Variants in PXDN observed in about 807,000 individuals in gnomAD.
The protein encoded by PXDN is peroxidasin homolog.
PXDN carries 77 observed loss-of-function variants against 140.3 expected under a neutral mutation model. The ratio of observed to expected loss-of-function variants is 0.55; its 90% CI spans 0.46 to 0.66. The LOEUF is 0.66. Ranked by LOEUF, PXDN falls within the 30% of genes least tolerant of loss-of-function variation. The probability of loss-of-function intolerance (pLI) is 0.00; values close to 1 mark genes in which losing one functional copy is unlikely to be tolerated. For synonymous variants in PXDN, 911 were observed against 857.4 expected (o/e 1.06, Z -1.09); for missense variants, 1,838 against 2,039.5 (o/e 0.90, Z 1.90).
chr2:1,729,057 A>G (rs960448938), intron 1 of PXDN, among the ~76,000 whole-genome samples: 1 of 152,126 alleles, frequency 6.6e-6, no homozygotes, highest in Admixed American at 6.5e-5. Flanking sequence ...TGGGTCTGGT[A>G]AGAACAGCTG....
chr2:1,735,172 A>T (rs968310364), intron 1 of PXDN, among the ~76,000 whole-genome samples: 2 of 152,162 alleles, frequency 1.3e-5, no homozygotes, highest in Non-Finnish European at 2.9e-5. Flanking sequence ...ATCTGCTGTG[A>T]CTTTCTCCAC....
At chr2:1,688,284 T>G (rs1474483150) in intron 3 of PXDN, among the ~76,000 whole-genome samples, 1 of 152,174 alleles carries the variant, frequency 6.6e-6, no homozygotes, top group Non-Finnish European at 1.5e-5. Context: ...TTTCCTAACA[T>G]GTGAACTTGG....
intron 7 of PXDN, among the ~76,000 whole-genome samples, chr2:1,677,424 T>C (rs1683747895): frequency 6.6e-6 from 1 of 152,234 alleles, no homozygotes; most frequent in Admixed American, 6.5e-5. Context: ...AATAGTACTC[T>C]GTAGCTAAAG....
intron 1 of PXDN, among the ~76,000 whole-genome samples, chr2:1,738,319 G>A (rs4853840): frequency 0.72 from 109,650 of 152,066 alleles, 39,850 homozygotes; most frequent in East Asian, 0.94. Flanking sequence ...TCAGCTCCAG[G>A]CCCTGAGTAG....
intron 1 of PXDN, among the ~76,000 whole-genome samples, chr2:1,702,667 C>T (rs865905754): frequency 1.3e-5 from 2 of 151,974 alleles, no homozygotes; most frequent in Non-Finnish European, 2.9e-5. Flanking sequence ...CTCGCTCTGT[C>T]GCCCAGGCTG....
intron 1 of PXDN, among the ~76,000 whole-genome samples, chr2:1,710,785 C>T (rs1471633430): frequency 1.6e-5 from 1 of 61,662 alleles, no homozygotes; most frequent in Non-Finnish European, 3.0e-5. Context: ...CACTCTCCAC[C>T]AGCACCCACT....
chr2:1,685,221 G>A lies in PXDN; in HGVS notation c.417-1070C>T, dbSNP rs137901214. Among the ~76,000 whole-genome samples, 20 of 152,306 alleles carry A rather than the reference G, an allele frequency of 1.3e-4. No homozygotes were observed. Among genetic ancestry groups the A allele is most frequent in the African/African-American group, 2.6e-4 (11 of 41,578 alleles). ...ACCTGCAGCCGGAGGGCCCCCAAACGCAGACCATCCCTGCCCCTTGCCCCG... is the reference window on the plus strand; with the variant it reads ...ACCTGCAGCCGGAGGGCCCCCAAACACAGACCATCCCTGCCCCTTGCCCCG... On this transcript the variant is annotated intron_variant, in intron 4 of 22. Transcript: ENST00000252804. This position sits in a 1 kb window ranked among gnomAD's most constrained non-coding sequence, Gnocchi z 5.1.
chr2:1,653,467 G>T, intron 16 of PXDN, 161 bp downstream of exon 16: 1 of 1,092,384 alleles, frequency 9.2e-7, no homozygotes. Flanking sequence ...CAGGGCTGTA[G>T]GGCTCAAGAG....
chr2:1,730,650 G>A (rs1255597698), intron 1 of PXDN, among the ~76,000 whole-genome samples: 1 of 152,166 alleles, frequency 6.6e-6, no homozygotes, highest in African/African-American at 2.4e-5. Flanking sequence ...CTGGTCCCCA[G>A]AAGCCAATGA....
At position 1,744,322 on chromosome 2, in the gene PXDN, G is replaced by A. The variant is rs1415000288; in HGVS notation, c.134C>T (p.Thr45Ile). The A allele has an allele frequency of 2.0e-6, 3 of 1,528,816 alleles. No homozygotes were observed. In the Admixed American group the frequency reaches 5.9e-5, roughly 30 times the overall value. The allele number at this position is 1,528,816 out of a possible 1,614,324, so 94.7% of individuals were successfully genotyped here. Residue 45 changes from threonine (T) to isoleucine (I), a missense_variant, in exon 1 of 23, where the codon ACC becomes ATC. Coordinates refer to ENST00000252804, the MANE Select transcript of PXDN (RefSeq NM_012293.3). ...CAGCAGATGCATGCAGCGCACGGTGGTGCGGAAGCACAGGCAGCGGCTCGG... is the reference window on the plus strand; with the variant it reads ...CAGCAGATGCATGCAGCGCACGGTGATGCGGAAGCACAGGCAGCGGCTCGG... ...GCPSRCLCFRTTVRCMHLLLE... is the reference protein window; with the variant it reads ...GCPSRCLCFRITVRCMHLLLE...
intron 1 of PXDN, among the ~76,000 whole-genome samples, chr2:1,697,439 T>C (rs1230549661): frequency 6.6e-6 from 1 of 152,216 alleles, no homozygotes; most frequent in Non-Finnish European, 1.5e-5. Context: ...GTGCCACATG[T>C]AAGTGCTCCC....
rs1683069455 is a variant in PXDN, at chr2:1,653,831, T to A, written c.1947-46A>T. On this transcript the variant is annotated intron_variant, in intron 15 of 22. Coordinates refer to ENST00000252804, the MANE Select transcript of PXDN (RefSeq NM_012293.3). ...AGAAAGGAAGAATGAAACAAATTAC[T>A]GAAGATAAAATTCATAGTACCCCAA... is the stretch of plus-strand genomic sequence containing the variant. 3 of 1,489,976 alleles carry A rather than the reference T, an allele frequency of 2.0e-6. 1 individual carries two copies. Among genetic ancestry groups the A allele is most frequent in the Admixed American group, 2.1e-5 (1 of 47,602 alleles). 92.3% of individuals were successfully genotyped at this position (1,489,976 alleles called of 1,614,324 possible).
At position 1,643,434 on chromosome 2, in the gene PXDN, G is replaced by A; in HGVS notation, c.3886C>T (p.His1296Tyr). Residue 1296 changes from histidine to tyrosine, a missense_variant, in exon 19 of 23, where the codon CAC becomes TAC. Physicochemically the swap from His to Tyr is moderately conservative, Grantham distance 83 (BLOSUM62 2). Around this residue, in one of 5 missense-constraint regions of PXDN, gnomAD observed 850 missense variants for 894.1 expected, o/e 0.95. Transcript: ENST00000252804. ...ATCTCGTCACAGCTGCCGTAGCCGT[G>A]AGGGAACTCCGCCACCCTGAACACG... ...SDVFRVAEFP[H>Y]GYGSCDEIPR... The A allele has an allele frequency of 6.2e-7, 1 of 1,613,944 alleles. No homozygotes were observed. The highest frequency in any genetic ancestry group is 8.5e-7 in the Non-Finnish European group (1 of 1,179,888).
At chr2:1,673,889 T>C in intron 8 of PXDN, 77 bp from the exon 9 acceptor site, 1 of 1,500,724 alleles carries the variant, frequency 6.7e-7, no homozygotes, top group African/African-American at 1.4e-5. Context: ...GCACAGGGGT[T>C]TCCAGCCCTG....
rs74514286 is a variant in PXDN, at chr2:1,681,648, G to C, written c.561-1286C>G. ...GACAGGAACACAGAACTGGCCTCAC[G>C]ACCAGAATCACCCTTTCCCCCGTGA... is the stretch of plus-strand genomic sequence containing the variant. On this transcript the variant is annotated intron_variant, in intron 6 of 22. Coordinates refer to ENST00000252804, the MANE Select transcript of PXDN (RefSeq NM_012293.3). Among the ~76,000 whole-genome samples the C allele has an allele frequency of 2.3e-3, 344 of 152,228 alleles. 3 individuals are homozygous for C. The highest frequency in any genetic ancestry group is 0.011 in the South Asian group (52 of 4,820).
chr2:1,699,037 G>A (rs559697921), intron 1 of PXDN, among the ~76,000 whole-genome samples: 23 of 152,002 alleles, frequency 1.5e-4, no homozygotes, highest in African/African-American at 4.6e-4. Flanking sequence ...AAAAAAAAAT[G>A]TCAAGAATTG....
At chr2:1,665,366 C>T (rs1015053701) in intron 10 of PXDN, among the ~76,000 whole-genome samples, 1 of 152,194 alleles carries the variant, frequency 6.6e-6, no homozygotes, top group African/African-American at 2.4e-5. Context: ...AGCTCGTGGA[C>T]ACCAGGCCGA....
chr2:1,675,769 T>C, intron 8 of PXDN, among the ~76,000 whole-genome samples: 1 of 145,768 alleles, frequency 6.9e-6, no homozygotes, highest in African/African-American at 2.6e-5. Context: ...GAACAATGAC[T>C]CAGTTTGTGC....
In PXDN at chr2:1,651,801, C is replaced by A. The variant is rs757610045; in HGVS notation, c.2104+1827G>T. 1.1e-4 allele frequency among the ~76,000 whole-genome samples: 16 copies of A among 152,246 alleles called. No individual in the cohort carries two copies. Among genetic ancestry groups the A allele is most frequent in the Non-Finnish European group, 1.6e-4 (11 of 68,046 alleles). On this transcript the variant is annotated intron_variant, in intron 16 of 22. Transcript: ENST00000252804. This position sits in a 1 kb window ranked among gnomAD's most constrained non-coding sequence, Gnocchi z 4.4. ...CTGCTGTTTCTCTCTGGGTCACTCG[C>A]TGGGGCTTCTTATGTGCAGGGGCCT...
Sources: allele counts gnomAD v4.1 joint callset (sites outside exome capture counted in the v4.1 genomes callset), GRCh38; gene constraint gnomAD v4.1.1; regional missense constraint gnomAD v4.1.1; non-coding constraint Gnocchi (gnomAD v3.1); transcripts MANE v1.5; gene names NCBI Gene and HGNC (gene_info 2026-07-23, HGNC 2026-07-21).